The following KAZN variants were observed in gnomAD, a reference collection of about 807,000 sequenced individuals.
KAZN encodes kazrin, periplakin interacting protein, also known as kazrin.
Under a neutral mutation model 87.4 loss-of-function variants are expected in KAZN, and 40 were observed. The ratio of observed to expected loss-of-function variants is 0.46; its 90% confidence interval spans 0.36 to 0.60. KAZN has a LOEUF of 0.60. Among genes scored for constraint, KAZN ranks in the 20% least tolerant of loss-of-function variants. The pLI is 0.00. For missense variants in KAZN, 898 were observed against 1,073.9 expected (o/e 0.84, Z 2.29); for synonymous variants, 466 against 458.3 (o/e 1.02, Z -0.22).
chr1:14,155,219 T>C (rs1450506117), intron 1 of KAZN, among the ~76,000 whole-genome samples: 1 of 152,146 alleles, frequency 6.6e-6, no homozygotes, highest in Admixed American at 6.5e-5. Context: ...TACTTGTTAT[T>C]GGTCTGCTCA....
intron 13 of KAZN, among the ~76,000 whole-genome samples, chr1:15,110,453 A>G (rs1641531363): frequency 7.1e-6 from 1 of 141,556 alleles, no homozygotes. Flanking sequence ...GTATGTGTGT[A>G]TTTGTGTGTG....
chr1:14,216,795 T>G (rs375226761), intron 2 of KAZN, among the ~76,000 whole-genome samples: 3 of 152,152 alleles, frequency 2.0e-5, no homozygotes, highest in East Asian at 1.9e-4. Context: ...TCCCAGCTAC[T>G]CAGGAGGCTG....
intron 4 of KAZN, among the ~76,000 whole-genome samples, chr1:15,055,560 G>A (rs796796693): frequency 3.1e-4 from 47 of 152,252 alleles, no homozygotes; most frequent in African/African-American, 9.6e-4. Context: ...GTTAGCTCTC[G>A]GGTGAGTTAA....
chr1:14,068,442 G>C (rs1329982493), intron 1 of KAZN, among the ~76,000 whole-genome samples: 2 of 152,118 alleles, frequency 1.3e-5, no homozygotes, highest in Admixed American at 6.6e-5. Flanking sequence ...TAAAAATATA[G>C]ATTCTCAAAC....
At chr1:14,454,567 C>T (rs1372964523) in intron 2 of KAZN, among the ~76,000 whole-genome samples, 3 of 152,198 alleles carry the variant, frequency 2.0e-5, no homozygotes, top group Non-Finnish European at 4.4e-5. Flanking sequence ...ATTTGTTCAT[C>T]TCTGTGTCCT....
chr1:14,242,385 T>A (rs762647451), intron 2 of KAZN, among the ~76,000 whole-genome samples: 12 of 152,156 alleles, frequency 7.9e-5, no homozygotes, highest in Non-Finnish European at 1.3e-4. Flanking sequence ...GTGTTAAAAA[T>A]GATGTCTATG....
intron 1 of KAZN, among the ~76,000 whole-genome samples, chr1:13,936,013 G>A (rs1640721518): frequency 6.8e-6 from 1 of 146,354 alleles, no homozygotes; most frequent in Non-Finnish European, 1.5e-5. Flanking sequence ...TCTGGTATGT[G>A]TATCTTATCC....
At chr1:15,071,361 C>T (rs959033725) in intron 8 of KAZN, among the ~76,000 whole-genome samples, 14 of 152,094 alleles carry the variant, frequency 9.2e-5, no homozygotes, top group African/African-American at 3.1e-4. Flanking sequence ...AAGCGATTCT[C>T]CCACCTCAGC....
At chr1:14,544,657 A>C (rs753847944) in intron 2 of KAZN, among the ~76,000 whole-genome samples, 1 of 151,844 alleles carries the variant, frequency 6.6e-6, no homozygotes, top group Non-Finnish European at 1.5e-5. Context: ...AAGGGTTTAG[A>C]TAAATCCCTG....
intron 6 of KAZN, 52 bp from the exon 7 acceptor site, chr1:15,063,520 C>T (rs1638971627): frequency 6.5e-7 from 1 of 1,527,702 alleles, no homozygotes. Context: ...CCTCTGCTCT[C>T]CTGTGTCACC....
intron 1 of KAZN, among the ~76,000 whole-genome samples, chr1:14,150,822 G>T (rs1340230551): frequency 1.3e-5 from 2 of 152,226 alleles, no homozygotes; most frequent in East Asian, 3.9e-4. Flanking sequence ...ACTGGTATCA[G>T]CCCCATTTTT....
intron 1 of KAZN, among the ~76,000 whole-genome samples, chr1:14,818,105 C>T (rs904216344): frequency 6.6e-6 from 1 of 152,248 alleles, no homozygotes; most frequent in African/African-American, 2.4e-5. Context: ...CTTATTCCCC[C>T]GCCCCACAGC....
intron 2 of KAZN, among the ~76,000 whole-genome samples, chr1:14,431,829 G>T (rs1010267537): frequency 9.2e-5 from 14 of 152,172 alleles, no homozygotes; most frequent in East Asian, 5.8e-4. Flanking sequence ...CTGCACTGTT[G>T]TCTTCCCTGG....
intron 1 of KAZN, among the ~76,000 whole-genome samples, chr1:14,844,551 A>C (rs1321932848): frequency 6.6e-6 from 1 of 152,212 alleles, no homozygotes. Context: ...TATGTCTTGC[A>C]GGCATCCCTT....
chr1:13,905,024 G>C (rs1304192252), intron 1 of KAZN, among the ~76,000 whole-genome samples: 1 of 152,112 alleles, frequency 6.6e-6, no homozygotes, highest in Non-Finnish European at 1.5e-5. Flanking sequence ...CTAATCTTCA[G>C]CTGAACTCAG....
chr1:14,931,228 G>A (rs1355717943), intron 1 of KAZN, among the ~76,000 whole-genome samples: 1 of 151,974 alleles, frequency 6.6e-6, no homozygotes, highest in Non-Finnish European at 1.5e-5. Context: ...CTTGAGGTCA[G>A]GAGTTCAGGA....
intron 1 of KAZN, among the ~76,000 whole-genome samples, chr1:14,127,417 T>G (rs6675543): frequency 6.9e-6 from 1 of 145,402 alleles, no homozygotes. Flanking sequence ...TTTTTTTTGG[T>G]CTGAGTGTGT....
At chr1:14,471,098 G>C (rs903059262) in intron 2 of KAZN, among the ~76,000 whole-genome samples, 2 of 152,308 alleles carry the variant, frequency 1.3e-5, no homozygotes, top group Non-Finnish European at 2.9e-5. Context: ...GCAACCTCAT[G>C]AGAGACCCGG....
chr1:14,952,534 T>C (rs1662620979), intron 1 of KAZN, among the ~76,000 whole-genome samples: 1 of 152,120 alleles, frequency 6.6e-6, no homozygotes, highest in Non-Finnish European at 1.5e-5. Flanking sequence ...AGTGAAATGC[T>C]CAGCTCTTTA....
Sources: allele counts gnomAD v4.1 joint callset (sites outside exome capture counted in the v4.1 genomes callset), GRCh38; gene constraint gnomAD v4.1.1; transcripts MANE v1.5; gene names NCBI Gene and HGNC (gene_info 2026-07-23, HGNC 2026-07-21).